WDR46: variants seen among roughly 807,000 people sequenced by gnomAD.
WDR46 encodes WD repeat-containing protein 46.
A neutral mutation model predicts 74.7 loss-of-function variants in WDR46; 58 were observed. The ratio of observed to expected loss-of-function variants is 0.78; its 90% CI spans 0.63 to 0.97. The LOEUF (loss-of-function observed/expected upper bound fraction) is 0.97. Among genes scored for constraint, WDR46 ranks in the 50% least tolerant of loss-of-function variants. The pLI, the probability that WDR46 is intolerant of heterozygous loss-of-function variation, is 0.00. For synonymous variants in WDR46, 278 were observed against 297.3 expected, an observed-to-expected ratio of 0.93 and a Z score of 0.67; for missense variants, 702 against 790.1, an observed-to-expected ratio of 0.89 and a Z score of 1.34.
Position 33,286,845 on chromosome 6 carries a change from A to G in WDR46, c.1065T>C (p.Ile355=), listed in dbSNP as rs1766691843. The G allele has an allele frequency of 6.2e-7, 1 of 1,614,130 alleles. No homozygotes were observed. The highest frequency in any genetic ancestry group is 8.5e-7 in the Non-Finnish European group (1 of 1,180,038). The change falls in exon 10 of 15, where the codon ATT becomes ATC. Residue 355 remains isoleucine, a synonymous_variant. Coordinates refer to ENST00000374617, the MANE Select transcript of WDR46 (RefSeq NM_005452.6). ...CCCGGACCCCACCACGATGACAGAGAATCTTTGCCAGTGGCTCCTTCATAG... is the reference window on the plus strand; with the variant it reads ...CCCGGACCCCACCACGATGACAGAGGATCTTTGCCAGTGGCTCCTTCATAG... ...SPAMKEPLAK[I]LCHRGGVRAV... is the part of the protein sequence containing the mutation.
chr6:33,282,344 A>G (rs1766259418), intron 10 of WDR46, among the ~76,000 whole-genome samples: 1 of 152,022 alleles, frequency 6.6e-6, no homozygotes, highest in Non-Finnish European at 1.5e-5. Context: ...CCAAAGAGAA[A>G]GGCCATCAGT....
intron 12 of WDR46, 92 bp from the exon 13 acceptor site, chr6:33,279,951 C>A: frequency 8.4e-7 from 1 of 1,195,462 alleles, no homozygotes; most frequent in East Asian, 2.5e-5. Flanking sequence ...AACCCCTCTA[C>A]CCAAGACCCC....
At chr6:33,284,016 G>A (rs1012610711) in intron 10 of WDR46, among the ~76,000 whole-genome samples, 11 of 152,260 alleles carry the variant, frequency 7.2e-5, no homozygotes, top group East Asian at 3.9e-4. Flanking sequence ...TTGGGAGGCC[G>A]AAGCAGGTGG....
chr6:33,280,681 C>G lies in WDR46; in HGVS notation c.1422G>C (p.Leu474=), dbSNP rs1313100037. The change falls in exon 11 of 15, where the codon CTG becomes CTC. Residue 474 remains leucine (L), a synonymous_variant. Coordinates refer to ENST00000374617, the MANE Select transcript of WDR46 (RefSeq NM_005452.6). ...ATCCCCTGGCCCACTCACCAGGGAC[C>G]AGCATGCTGGTGATGCCCCCAGTGT... The part of the protein sequence containing the change: ...VGHTGGITSM[L]VPGAGEPNFD... The G allele has an allele frequency of 2.0e-5, 31 of 1,583,304 alleles. No individual in the cohort carries two copies. The highest frequency in any genetic ancestry group is 2.6e-5 in the Non-Finnish European group (30 of 1,161,558).
At chr6:33,282,837 C>G (rs1766302149) in intron 10 of WDR46, among the ~76,000 whole-genome samples, 1 of 152,236 alleles carries the variant, frequency 6.6e-6, no homozygotes, top group Admixed American at 6.5e-5. Context: ...AACCCTTGGG[C>G]AGGCCTTCTG....
At position 33,280,506 on chromosome 6, in the gene WDR46, G is replaced by C; in HGVS notation, c.1446C>G (p.Asn482Lys). 6.2e-7 allele frequency: 1 copy of C among 1,602,186 alleles called. No homozygotes were observed. The highest frequency in any genetic ancestry group is 8.5e-7 in the Non-Finnish European group (1 of 1,173,630). ...ATGGATTACTCTCCAGGCCATCGAA[G>C]TTGGGCTCACCGGCCCCTGAAGGGA... ...SMLVPGAGEP[N>K]FDGLESNPYR... The change falls in exon 12 of 15, where the codon AAC becomes AAG. Residue 482 changes from asparagine (N) to lysine (K), a missense_variant. Transcript: ENST00000374617.
intron 10 of WDR46, among the ~76,000 whole-genome samples, chr6:33,282,610 C>G (rs1054275488): frequency 6.6e-6 from 1 of 152,240 alleles, no homozygotes; most frequent in African/African-American, 2.4e-5. Flanking sequence ...AGCCTCATCA[C>G]TGGAGCCCCC....
At position 33,279,759 on chromosome 6, in the gene WDR46, C is replaced by T. The variant is rs1248067727; in HGVS notation, c.1620+5G>A. The stretch of plus-strand genomic sequence containing the variant: ...GGCCTGGGCATTCAGGGGCCTGCTC[C>T]ATACCAGCCTCTCTATCTGCTCCTT... On this transcript the variant is annotated splice_donor_5th_base_variant and intron_variant, in intron 13 of 14. Coordinates refer to ENST00000374617, the MANE Select transcript of WDR46 (RefSeq NM_005452.6). 5.0e-6 allele frequency: 8 copies of T among 1,614,048 alleles called. No homozygotes were observed. Among genetic ancestry groups the T allele is most frequent in the Non-Finnish European group, 6.8e-6 (8 of 1,179,966 alleles).
chr6:33,288,807 G>A lies in WDR46; in HGVS notation c.276C>T (p.Ser92=), dbSNP rs753471419. 1 of 1,614,084 alleles carries A rather than the reference G, an allele frequency of 6.2e-7. No individual in the cohort carries two copies. Among genetic ancestry groups the A allele is most frequent in the Non-Finnish European group, 8.5e-7 (1 of 1,180,006 alleles). ...ACCCATCAGGTCCCACGCTCACCCC[G>A]GACAAGCCGCGCTGGGACTCCGGGT... The part of the protein sequence containing the change: ...WKNPESQRGL[S]GTQDPFPGPA... Residue 92 remains serine (S), a synonymous_variant, in exon 2 of 15, where the codon TCC becomes TCT. Coordinates refer to ENST00000374617, the MANE Select transcript of WDR46 (RefSeq NM_005452.6).
chr6:33,287,265 T>C, intron 8 of WDR46, 39 bp from the exon 9 acceptor site: 1 of 1,612,956 alleles, frequency 6.2e-7, no homozygotes, highest in South Asian at 1.1e-5. Context: ...CAGTCCTGAT[T>C]GCCCTCTGTA....
chr6:33,280,009 C>T (rs1765987128), intron 12 of WDR46, 150 bp from the exon 13 acceptor site: 2 of 707,872 alleles, frequency 2.8e-6, no homozygotes, highest in African/African-American at 1.8e-5. Flanking sequence ...CCCCAAACCA[C>T]ACCTTCCCCA....
rs1268098701 is a variant in WDR46 at position 33,287,187 on chromosome 6, C to T, written c.919G>A (p.Gly307Arg). 6.2e-7 allele frequency: 1 copy of T among 1,613,790 alleles called. No individual in the cohort carries two copies. The highest frequency in any genetic ancestry group is 1.7e-5 in the Admixed American group (1 of 59,956). The change falls in exon 9 of 15, where the codon GGG becomes AGG. Residue 307 changes from glycine to arginine, a missense_variant. Gly to Arg is a moderately radical substitution (Grantham distance 125). Coordinates refer to ENST00000374617, the MANE Select transcript of WDR46 (RefSeq NM_005452.6). The stretch of plus-strand genomic sequence containing the variant: ...GCATTCAGAGCTGCCACAATCTTCC[C>T]CACTGACACATCCAGGTAGGTTAGA... ...GFLTYLDVSV[G>R]KIVAALNARA...
Position 33,279,187 on chromosome 6 carries a change from C to T in WDR46, c.*89G>A. 1 of 1,558,102 alleles carries T rather than the reference C, an allele frequency of 6.4e-7. No individual in the cohort carries two copies. The highest frequency in any genetic ancestry group is 8.8e-7 in the Non-Finnish European group (1 of 1,141,674). On this transcript the variant is annotated 3_prime_UTR_variant, in exon 15 of 15. Transcript: ENST00000374617. ...ACCCCCAGTTGGGGAAGGGGCCACA[C>T]TGCCCCCACCTCCTTGTTCCAGGGA...
At chr6:33,283,767 C>A (rs1053382414) in intron 10 of WDR46, among the ~76,000 whole-genome samples, 1 of 152,114 alleles carries the variant, frequency 6.6e-6, no homozygotes, top group African/African-American at 2.4e-5. Flanking sequence ...CATGCAGTGG[C>A]ATGCACTTGT....
intron 10 of WDR46, among the ~76,000 whole-genome samples, chr6:33,282,979 G>C (rs2150900123): frequency 6.6e-6 from 1 of 152,324 alleles, no homozygotes; most frequent in East Asian, 1.9e-4. Context: ...TGGGAGGACA[G>C]GCGGGTGGAT....
In WDR46 at chr6:33,288,253, G is replaced by A. The variant is rs754503982; in HGVS notation, c.474-18C>T. 6.2e-7 allele frequency: 1 copy of A among 1,614,152 alleles called. No homozygotes were observed. The highest frequency in any genetic ancestry group is 8.5e-7 in the Non-Finnish European group (1 of 1,180,010). On this transcript the variant is annotated intron_variant, in intron 4 of 14. Coordinates refer to ENST00000374617, the MANE Select transcript of WDR46 (RefSeq NM_005452.6). Reference sequence around the variant, plus strand: ...CCAGAAACCTGAAAGCAAGGGTTAGGATGGCAGTAAAGCTTCCCAATATGA... The same window carrying A: ...CCAGAAACCTGAAAGCAAGGGTTAGAATGGCAGTAAAGCTTCCCAATATGA...
In WDR46 at chr6:33,288,487, G is replaced by A. The variant is rs1766919191; in HGVS notation, c.361-17C>T. 1 of 1,613,520 alleles carries A rather than the reference G, an allele frequency of 6.2e-7. No homozygotes were observed. The highest frequency in any genetic ancestry group is 1.3e-5 in the African/African-American group (1 of 74,904). On this transcript the variant is annotated splice_polypyrimidine_tract_variant and intron_variant, in intron 3 of 14. Transcript: ENST00000374617. Reference sequence around the variant, plus strand: ...ATGTGGTAGCTGTAACATTGTTGGTGGGGAGGAGTGGCAGAAGAACCACAG... The same window carrying A: ...ATGTGGTAGCTGTAACATTGTTGGTAGGGAGGAGTGGCAGAAGAACCACAG...
Position 33,288,903 on chromosome 6 carries a change from A to G in WDR46, c.180T>C (p.Asn60=). Residue 60 remains asparagine, a synonymous_variant, in exon 2 of 15, where the codon AAT becomes AAC. Coordinates refer to ENST00000374617, the MANE Select transcript of WDR46 (RefSeq NM_005452.6). ...NRELRPQRPK[N]AYILKKSRIS... Reference sequence around the variant, plus strand: ...TCCGAGACTTCTTTAAGATGTAAGCATTTTTTGGTCTCTGAGGACGGAGCT... The same window carrying G: ...TCCGAGACTTCTTTAAGATGTAAGCGTTTTTTGGTCTCTGAGGACGGAGCT... 1 of 1,613,910 alleles carries G rather than the reference A, an allele frequency of 6.2e-7. No homozygotes were observed. The highest frequency in any genetic ancestry group is 8.5e-7 in the Non-Finnish European group (1 of 1,179,966).
Position 33,287,649 on chromosome 6 carries a change from G to T in WDR46, c.693C>A (p.Cys231Ter). Residue 231 changes from cysteine (C) to a stop codon, truncating the protein, a stop_gained, in exon 7 of 15, where the codon TGC becomes TGA. Transcript: ENST00000374617. LOFTEE classifies it high-confidence loss of function. ...GCACCGCCTCCATGACGTTGATCTC[G>T]CACATAAGCTTCTTTGTTACCCAAT... Reference protein sequence around the residue: ...ALDWVTKKLMCEINVMEAVRD... With the variant: ...ALDWVTKKLM 6.2e-7 allele frequency: 1 copy of T among 1,613,856 alleles called. No homozygotes were observed. Among genetic ancestry groups the T allele is most frequent in the Non-Finnish European group, 8.5e-7 (1 of 1,180,002 alleles).
Sources: gnomAD v4.1 joint callset for allele counts (sites outside exome capture counted in the v4.1 genomes callset) on GRCh38, gnomAD v4.1.1 for gene constraint, MANE v1.5 for transcripts, NCBI Gene and HGNC (gene_info 2026-07-23, HGNC 2026-07-21) for gene names.